The following LPP variants were observed in gnomAD, a reference collection of about 807,000 sequenced individuals.
The protein encoded by LPP is lipoma-preferred partner.
A neutral mutation model predicts 60.4 loss-of-function variants in LPP; 38 were observed. The ratio of observed to expected loss-of-function variants is 0.63; its 90% CI spans 0.49 to 0.83. LPP has a LOEUF of 0.83. Among genes scored for constraint, LPP ranks in the 40% least tolerant of loss-of-function variants. The pLI, the probability that LPP is intolerant of heterozygous loss-of-function variation, is 0.00. For synonymous variants in LPP, 328 were observed against 290.8 expected, an observed-to-expected ratio of 1.13 and a Z score of -1.30; for missense variants, 902 against 783.6, an observed-to-expected ratio of 1.15 and a Z score of -1.80.
chr3:188,201,145 T>C (rs868230968), intron 1 of LPP, among the ~76,000 whole-genome samples: 2 of 152,206 alleles, frequency 1.3e-5, no homozygotes, highest in South Asian at 2.1e-4. Context: ...ACACTTACTA[T>C]GGACCTGTCC....
At chr3:188,231,018 G>A (rs73057666) in intron 2 of LPP, among the ~76,000 whole-genome samples, 2,581 of 152,262 alleles carry the variant, frequency 0.017, 66 homozygotes, top group African/African-American at 0.056. Context: ...GTTTCTTGCC[G>A]TGTAGGGCTC....
chr3:188,869,520 A>G (rs981402758), intron 10 of LPP, among the ~76,000 whole-genome samples: 5 of 152,138 alleles, frequency 3.3e-5, no homozygotes, highest in Non-Finnish European at 7.3e-5. Context: ...TGAACTCTTG[A>G]CCTCAGGTGA....
At chr3:188,422,904 G>A (rs1788179219) in intron 4 of LPP, among the ~76,000 whole-genome samples, 1 of 107,660 alleles carries the variant, frequency 9.3e-6, no homozygotes, top group African/African-American at 3.8e-5. Context: ...TTTCTTTTTG[G>A]TGTCTTCTTT....
intron 3 of LPP, among the ~76,000 whole-genome samples, chr3:188,366,409 G>T (rs755253626): frequency 3.9e-5 from 6 of 152,102 alleles, no homozygotes; most frequent in African/African-American, 1.4e-4. Flanking sequence ...GCTGGGCTCC[G>T]TGGTGAAGGG....
rs551800514 is a variant in LPP, at chr3:188,163,219, G to A, written c.-190+8967G>A. On this transcript the variant is annotated intron_variant, in intron 1 of 11. Coordinates refer to ENST00000617246, the MANE Select transcript of LPP (RefSeq NM_001375462.1). ...TTGCATCATAGCTGGAGATCCCTCT[G>A]TAGTTCAAATGGAAAGCTGGTGTTG... Among the ~76,000 whole-genome samples the A allele has an allele frequency of 3.3e-5, 5 of 152,284 alleles. 1 individual carries two copies. The highest frequency in any genetic ancestry group is 1.2e-4 in the African/African-American group (5 of 41,574).
At chr3:188,756,378 C>T (rs1050461242) in intron 8 of LPP, among the ~76,000 whole-genome samples, 3 of 152,212 alleles carry the variant, frequency 2.0e-5, no homozygotes, top group Non-Finnish European at 4.4e-5. Context: ...GCTCTTCACA[C>T]CAGCCCTGGG....
At chr3:188,718,616 C>T (rs968573590) in intron 8 of LPP, among the ~76,000 whole-genome samples, 1 of 152,092 alleles carries the variant, frequency 6.6e-6, no homozygotes, top group African/African-American at 2.4e-5. Context: ...TGTAAGTCTG[C>T]GTGAGGGCAA....
chr3:188,458,341 C>G lies in LPP; in HGVS notation c.194-26251C>G, dbSNP rs188745432. 1.2e-4 allele frequency among the ~76,000 whole-genome samples: 18 copies of G among 152,294 alleles called. No homozygotes were observed. In the East Asian group the frequency reaches 2.7e-3, roughly 23 times the overall value. The stretch of plus-strand genomic sequence containing the variant: ...GGACTTCTTGATTTTGAAGAGTTGT[C>G]TGCATTTTTATAAAACTACATGAGC... On this transcript the variant is annotated intron_variant, in intron 4 of 11. Transcript: ENST00000617246.
intron 6 of LPP, among the ~76,000 whole-genome samples, chr3:188,607,584 T>C (rs1842776191): frequency 6.6e-6 from 1 of 151,870 alleles, no homozygotes; most frequent in South Asian, 2.1e-4. Context: ...GTGAATCTTT[T>C]CTACTTACTG....
At chr3:188,801,519 AACTC>A (rs1317910725) in intron 9 of LPP, among the ~76,000 whole-genome samples, 1 of 152,120 alleles carries the variant, frequency 6.6e-6, no homozygotes, top group Admixed American at 6.6e-5. Flanking sequence ...TTTATCTGAG[AACTC>A]CTCTGACTCA....
intron 2 of LPP, among the ~76,000 whole-genome samples, chr3:188,330,278 A>G (rs536595808): frequency 1.3e-5 from 2 of 152,334 alleles, no homozygotes; most frequent in East Asian, 1.9e-4. Context: ...TTGGGGAGCT[A>G]AGGTTTGCAG....
intron 2 of LPP, among the ~76,000 whole-genome samples, chr3:188,279,231 G>A (rs1018350136): frequency 5.3e-5 from 8 of 152,212 alleles, no homozygotes; most frequent in Admixed American, 1.3e-4. Flanking sequence ...ATTATCCAAA[G>A]AGCTGGATTC....
At position 188,464,981 on chromosome 3, in the gene LPP, A is replaced by G. The variant is rs1800015704; in HGVS notation, c.194-19611A>G. On this transcript the variant is annotated intron_variant, in intron 4 of 11. Coordinates refer to ENST00000617246, the MANE Select transcript of LPP (RefSeq NM_001375462.1). ...GAAGCTGAAAAAGGCTTACTATGGA[A>G]AAAAAAAAAAAAAAAAGCCCAAGCC... Among the ~76,000 whole-genome samples, 3 of 73,420 alleles carry G rather than the reference A, an allele frequency of 4.1e-5. No homozygotes were observed. In the South Asian group the frequency reaches 1.3e-3, roughly 31 times the overall value. The allele number at this position is 73,420 out of a possible 152,430, so 48.2% of individuals were successfully genotyped here.
At chr3:188,167,263 C>T (rs946040804) in intron 1 of LPP, among the ~76,000 whole-genome samples, 3 of 152,090 alleles carry the variant, frequency 2.0e-5, no homozygotes, top group East Asian at 1.9e-4. Context: ...TTTGGGAGGC[C>T]GAGGCGGGCA....
chr3:188,656,442 A>G (rs1853234373), intron 7 of LPP, among the ~76,000 whole-genome samples: 1 of 152,186 alleles, frequency 6.6e-6, no homozygotes, highest in African/African-American at 2.4e-5. Context: ...TCCCAAATCA[A>G]AGAACAGATT....
intron 5 of LPP, among the ~76,000 whole-genome samples, chr3:188,485,535 C>A (rs543331946): frequency 1.3e-5 from 2 of 152,052 alleles, no homozygotes; most frequent in African/African-American, 2.4e-5. Flanking sequence ...CGGTGGCTCA[C>A]GCCTGTAATC....
intron 9 of LPP, among the ~76,000 whole-genome samples, chr3:188,851,760 T>C (rs1244813509): frequency 6.6e-6 from 1 of 152,214 alleles, no homozygotes; most frequent in East Asian, 1.9e-4. Flanking sequence ...TATAAAAATA[T>C]TGTCTATGTG....
intron 7 of LPP, among the ~76,000 whole-genome samples, chr3:188,665,431 G>A (rs1298297068): frequency 6.7e-6 from 1 of 150,178 alleles, no homozygotes; most frequent in Non-Finnish European, 1.5e-5. Context: ...TCTCTAAACA[G>A]AGCAAACATA....
chr3:188,477,139 G>T (rs1271129527), intron 4 of LPP, among the ~76,000 whole-genome samples: 5 of 152,192 alleles, frequency 3.3e-5, no homozygotes, highest in African/African-American at 1.2e-4. Flanking sequence ...TCACACCACT[G>T]TATCTTGGAA....
Sources: allele counts gnomAD v4.1 joint callset (sites outside exome capture counted in the v4.1 genomes callset), GRCh38; gene constraint gnomAD v4.1.1; transcripts MANE v1.5; gene names NCBI Gene and HGNC (gene_info 2026-07-23, HGNC 2026-07-21).